Variants in BMP5 observed in about 807,000 individuals in gnomAD.
The protein encoded by BMP5 is bone morphogenetic protein 5.
BMP5 carries 23 observed loss-of-function variants against 46.6 expected under a neutral mutation model. That is an observed-to-expected ratio of 0.49 (90% CI 0.35 to 0.70). The LOEUF is 0.70. Ranked by LOEUF, BMP5 falls within the 30% of genes least tolerant of loss-of-function variation. The pLI is 0.00. For synonymous variants in BMP5, 204 were observed against 191.9 expected (o/e 1.06, Z -0.52); for missense variants, 545 against 565.6 (o/e 0.96, Z 0.37).
intron 1 of BMP5, among the ~76,000 whole-genome samples, chr6:55,847,264 T>C (rs1353102900): frequency 2.6e-5 from 4 of 151,952 alleles, no homozygotes; most frequent in African/African-American, 7.2e-5. Context: ...CCATGACTTC[T>C]CATCTTGTCC....
intron 3 of BMP5, among the ~76,000 whole-genome samples, chr6:55,780,136 G>A (rs1775273042): frequency 6.6e-6 from 1 of 151,376 alleles, no homozygotes; most frequent in African/African-American, 2.4e-5. Flanking sequence ...ATATATTATT[G>A]GTAATGTGTG....
At chr6:55,871,508 A>G (rs1777787200) in intron 1 of BMP5, among the ~76,000 whole-genome samples, 2 of 151,908 alleles carry the variant, frequency 1.3e-5, no homozygotes, top group Admixed American at 6.6e-5. Flanking sequence ...AGATGTCTGC[A>G]TGCCTTAGGC....
At chr6:55,869,156 C>T (rs944859704) in intron 1 of BMP5, among the ~76,000 whole-genome samples, 1 of 152,110 alleles carries the variant, frequency 6.6e-6, no homozygotes, top group Non-Finnish European at 1.5e-5. Context: ...TCTGTATGCT[C>T]CTTGTACACA....
intron 3 of BMP5, among the ~76,000 whole-genome samples, chr6:55,786,076 T>C (rs1187370998): frequency 6.6e-6 from 1 of 151,754 alleles, no homozygotes; most frequent in Non-Finnish European, 1.5e-5. Context: ...CACCCATGCA[T>C]GCGCACAGAA....
intron 4 of BMP5, among the ~76,000 whole-genome samples, chr6:55,767,335 T>C (rs1406560093): frequency 6.6e-6 from 1 of 151,986 alleles, no homozygotes; most frequent in Non-Finnish European, 1.5e-5. Flanking sequence ...TAAAACCAAT[T>C]ATAATGTTCA....
At chr6:55,793,205 C>T (rs964071525) in intron 3 of BMP5, among the ~76,000 whole-genome samples, 2 of 152,174 alleles carry the variant, frequency 1.3e-5, no homozygotes, top group African/African-American at 4.8e-5. Context: ...CCTGAGCCTT[C>T]TGAGCAAATA....
rs541025724 is a variant in BMP5, at chr6:55,835,032, G to A, written c.491-15185C>T. 2.6e-5 allele frequency among the ~76,000 whole-genome samples: 4 copies of A among 151,488 alleles called. No homozygotes were observed. The South Asian group carries it at 8.3e-4, about 32-fold the overall frequency. ...ACCCAGGAGGCGGAGGCTGAAGTGA[G>A]ACGAAGTTGTGCCATTGCTCTCCAG... On this transcript the variant is annotated intron_variant, in intron 1 of 6. Coordinates refer to ENST00000370830, the MANE Select transcript of BMP5 (RefSeq NM_021073.4).
At position 55,852,206 on chromosome 6, in the gene BMP5, T is replaced by G. The variant is rs897786436; in HGVS notation, c.490+22170A>C. Among the ~76,000 whole-genome samples, 3 of 152,112 alleles carry G rather than the reference T, an allele frequency of 2.0e-5. No individual in the cohort carries two copies. The East Asian group carries it at 5.8e-4, about 29-fold the overall frequency. On this transcript the variant is annotated intron_variant, in intron 1 of 6. Transcript: ENST00000370830. ...TTTAGTAGGGCTTTAAAATGTACAT[T>G]AAAATTTGGTAGGAAAATTACTAAA...
chr6:55,820,028 C>A (rs986885714), intron 1 of BMP5, among the ~76,000 whole-genome samples, 181 bp from the exon 2 acceptor site: 2 of 152,124 alleles, frequency 1.3e-5, no homozygotes, highest in Non-Finnish European at 2.9e-5. Context: ...AAACCAACAG[C>A]CTTTAGTTCA....
chr6:55,768,223 C>A (rs537862000), intron 4 of BMP5, among the ~76,000 whole-genome samples: 2 of 151,908 alleles, frequency 1.3e-5, no homozygotes, highest in African/African-American at 4.8e-5. Context: ...CAAGAGATAG[C>A]GCCTATCAAA....
chr6:55,847,439 C>G (rs1260767549), intron 1 of BMP5, among the ~76,000 whole-genome samples: 1 of 151,904 alleles, frequency 6.6e-6, no homozygotes, highest in Admixed American at 6.6e-5. Context: ...AGGCATACAA[C>G]AGAAGTGATC....
chr6:55,835,787 C>T (rs542450073), intron 1 of BMP5, among the ~76,000 whole-genome samples: 2 of 152,224 alleles, frequency 1.3e-5, no homozygotes, highest in South Asian at 2.1e-4. Flanking sequence ...ACTTGAAAAT[C>T]GCTTCAGTGG....
intron 3 of BMP5, among the ~76,000 whole-genome samples, chr6:55,790,073 G>A (rs963370725): frequency 7.9e-5 from 12 of 151,920 alleles, no homozygotes; most frequent in African/African-American, 2.7e-4. Flanking sequence ...TTCTTCACAG[G>A]GGCAGGCTAA....
chr6:55,768,703 T>C (rs1052186789), intron 4 of BMP5, among the ~76,000 whole-genome samples: 5 of 151,980 alleles, frequency 3.3e-5, no homozygotes, highest in Non-Finnish European at 7.4e-5. Context: ...GTATCCAGCA[T>C]ACAATAGCAA....
chr6:55,819,994 G>T, intron 1 of BMP5, 147 bp from the exon 2 acceptor site: 1 of 719,952 alleles, frequency 1.4e-6, no homozygotes, highest in Non-Finnish European at 2.3e-6. Flanking sequence ...ACTGAAACGT[G>T]TTTCCAGTTA....
intron 3 of BMP5, among the ~76,000 whole-genome samples, chr6:55,780,478 G>GA (rs532514709): frequency 2.6e-5 from 3 of 113,376 alleles, no homozygotes; most frequent in South Asian, 5.3e-4. Context: ...AAAAAAGAAA[G>GA]AAAGAAAGAA....
At chr6:55,780,545 A>G (rs1266502076) in intron 3 of BMP5, among the ~76,000 whole-genome samples, 1 of 151,736 alleles carries the variant, frequency 6.6e-6, no homozygotes, top group African/African-American at 2.4e-5. Flanking sequence ...GAAGAAATCC[A>G]TTTTTCTATA....
At chr6:55,795,811 G>T (rs1775697646) in intron 2 of BMP5, among the ~76,000 whole-genome samples, 1 of 152,104 alleles carries the variant, frequency 6.6e-6, no homozygotes, top group Non-Finnish European at 1.5e-5. Flanking sequence ...CCAAAGGAAG[G>T]ATTGAAACGC....
At chr6:55,822,525 A>G (rs1776433192) in intron 1 of BMP5, among the ~76,000 whole-genome samples, 1 of 152,174 alleles carries the variant, frequency 6.6e-6, no homozygotes. Context: ...GTCAATATTC[A>G]TAATTCTAAG....
Sources: gnomAD v4.1 joint callset for allele counts (sites outside exome capture counted in the v4.1 genomes callset) on GRCh38, gnomAD v4.1.1 for gene constraint, MANE v1.5 for transcripts, NCBI Gene and HGNC (gene_info 2026-07-23, HGNC 2026-07-21) for gene names.